NFIX: variants seen among roughly 807,000 people sequenced by gnomAD.
NFIX encodes the protein nuclear factor I X.
A neutral mutation model predicts 53.3 loss-of-function variants in NFIX; 2 were observed. The observed-to-expected ratio is 0.04, with a 90% CI of 0.02 to 0.12. NFIX has a LOEUF of 0.12. Ranked by LOEUF, NFIX falls within the 10% of genes least tolerant of loss-of-function variation. The probability of loss-of-function intolerance (pLI) is 1.00; values close to 1 mark genes in which losing one functional copy is unlikely to be tolerated. For synonymous variants in NFIX, 244 were observed against 289.0 expected, an observed-to-expected ratio of 0.84 and a Z score of 1.58; for missense variants, 310 against 674.5, an observed-to-expected ratio of 0.46 and a Z score of 5.99.
In NFIX at chr19:13,037,802, C is replaced by T. The variant is rs2014312426; in HGVS notation, c.559+12250C>T. 6.6e-6 allele frequency among the ~76,000 whole-genome samples: 1 copy of T among 152,102 alleles called. No homozygotes were observed. Among genetic ancestry groups the T allele is most frequent in the African/African-American group, 2.4e-5 (1 of 41,398 alleles). On this transcript the variant is annotated intron_variant, in intron 2 of 10. Transcript: ENST00000592199. This position sits in a 1 kb window ranked among gnomAD's most constrained non-coding sequence, Gnocchi z 4.2. Reference sequence around the variant, plus strand: ...AATGTCTGTGAACACTTTTGGTTGTCACAGTTGTGGGGGGAGGGTGCTATT... The same window carrying T: ...AATGTCTGTGAACACTTTTGGTTGTTACAGTTGTGGGGGGAGGGTGCTATT...
At position 13,037,687 on chromosome 19, in the gene NFIX, C is replaced by G. The variant is rs76293101; in HGVS notation, c.559+12135C>G. Among the ~76,000 whole-genome samples the G allele has an allele frequency of 3.7e-4, 57 of 152,306 alleles. No homozygotes were observed. In the East Asian group the frequency reaches 0.011, roughly 28 times the overall value. On this transcript the variant is annotated intron_variant, in intron 2 of 10. Coordinates refer to ENST00000592199, the MANE Select transcript of NFIX (RefSeq NM_001365902.3). This position sits in a 1 kb window ranked among gnomAD's most constrained non-coding sequence, Gnocchi z 4.2. ...TTCACAGCCCCTCACCTCGGTAAAC[C>G]CCTCAGTCTCCAGCAAACTGGGATT...
intron 8 of NFIX, chr19:13,082,529 C>G (rs576125150): frequency 6.6e-6 from 1 of 152,294 alleles, no homozygotes; most frequent in Non-Finnish European, 1.5e-5. Context: ...GTTCCCAGGA[C>G]GGTCCTGGTT....
intron 1 of NFIX, among the ~76,000 whole-genome samples, chr19:13,023,070 T>C (rs866061509): frequency 1.8e-4 from 25 of 138,114 alleles, no homozygotes; most frequent in African/African-American, 3.3e-4. Flanking sequence ...TTCTCTCTCT[T>C]TCTCTCTCTC....
chr19:13,054,873 C>T (rs2145334993), intron 2 of NFIX, among the ~76,000 whole-genome samples: 1 of 152,294 alleles, frequency 6.6e-6, no homozygotes, highest in Non-Finnish European at 1.5e-5. Context: ...CACAGTCACA[C>T]ACAGAGACAC....
chr19:12,999,654 C>T (rs999891642), intron 1 of NFIX, among the ~76,000 whole-genome samples: 1 of 152,260 alleles, frequency 6.6e-6, no homozygotes, highest in Non-Finnish European at 1.5e-5. Context: ...GCGACCTACG[C>T]CCATTTTCCT....
At chr19:13,053,273 T>C (rs1484706241) in intron 2 of NFIX, among the ~76,000 whole-genome samples, 1 of 152,164 alleles carries the variant, frequency 6.6e-6, no homozygotes, top group Non-Finnish European at 1.5e-5. Flanking sequence ...GACTTTACTC[T>C]CTATCCCCTA....
In NFIX at chr19:13,064,195, G is replaced by C. The variant is rs1291212578; in HGVS notation, c.560-8852G>C. 2.6e-5 allele frequency among the ~76,000 whole-genome samples: 4 copies of C among 152,152 alleles called. No individual in the cohort carries two copies. The South Asian group carries it at 8.3e-4, about 31-fold the overall frequency. On this transcript the variant is annotated intron_variant, in intron 2 of 10. Coordinates refer to ENST00000592199, the MANE Select transcript of NFIX (RefSeq NM_001365902.3). ...ATAGAAGCTTCAGGGGCTGGGGGCC[G>C]CTTGCCTGGACCCCACCATCACATG...
intron 8 of NFIX, among the ~76,000 whole-genome samples, chr19:13,085,987 CAG>C (rs1315657908): frequency 4.6e-5 from 7 of 152,196 alleles, no homozygotes; most frequent in Non-Finnish European, 7.3e-5. Flanking sequence ...CCTAGAGAAA[CAG>C]GGCAGAGAAA....
Position 13,003,702 on chromosome 19 carries a change from G to A in NFIX, c.27+7838G>A, listed in dbSNP as rs567377419. Among the ~76,000 whole-genome samples the A allele has an allele frequency of 1.2e-3, 176 of 152,086 alleles. 1 individual carries two copies. The highest frequency in any genetic ancestry group is 4.1e-3 in the African/African-American group (172 of 41,484). ...AGCCCAGGCTGGAGCACAGTGGTGC[G>A]ATCTCGGCTCACTGCAGCCCTGACC... On this transcript the variant is annotated intron_variant, in intron 1 of 10. Transcript: ENST00000592199.
chr19:13,072,996 T>C lies in NFIX; in HGVS notation c.560-51T>C. On this transcript the variant is annotated intron_variant, in intron 2 of 10. Coordinates refer to ENST00000592199, the MANE Select transcript of NFIX (RefSeq NM_001365902.3). This position sits in a 1 kb window ranked among gnomAD's most constrained non-coding sequence, Gnocchi z 4.0. ...GGAGGGGCCAATGCTTGGCTGGTGC[T>C]TATGGGGAACTTTGCTCCTGATACA... The C allele has an allele frequency of 6.4e-7, 1 of 1,571,378 alleles. No individual in the cohort carries two copies. The highest frequency in any genetic ancestry group is 8.8e-7 in the Non-Finnish European group (1 of 1,141,302).
In NFIX at chr19:13,016,098, G is replaced by A. The variant is rs1018088876; in HGVS notation, c.28-8923G>A. ...TTCACTTTGTGAAAGTGTATCAAGC[G>A]GCCTAACTTACAGTGTGTGCACTTT... On this transcript the variant is annotated intron_variant, in intron 1 of 10. Coordinates refer to ENST00000592199, the MANE Select transcript of NFIX (RefSeq NM_001365902.3). Among the ~76,000 whole-genome samples the A allele has an allele frequency of 3.3e-5, 5 of 152,036 alleles. No individual in the cohort carries two copies. The South Asian group carries it at 6.2e-4, about 19-fold the overall frequency.
rs568792773 is a variant in NFIX at position 13,078,163 on chromosome 19, A to G, written c.956-450A>G. On this transcript the variant is annotated intron_variant, in intron 6 of 10. Coordinates refer to ENST00000592199, the MANE Select transcript of NFIX (RefSeq NM_001365902.3). This position sits in a 1 kb window ranked among gnomAD's most constrained non-coding sequence, Gnocchi z 4.7. ...TGGCTTCTTCCCACCAGAACCTCCC[A>G]TGGCCCCGGGCACCATGGCATAGAC... Among the ~76,000 whole-genome samples, 1 of 151,982 alleles carries G rather than the reference A, an allele frequency of 6.6e-6. No individual in the cohort carries two copies. Among genetic ancestry groups the G allele is most frequent in the African/African-American group, 2.4e-5 (1 of 41,446 alleles).
Position 13,040,813 on chromosome 19 carries a change from C to T in NFIX, c.559+15261C>T, listed in dbSNP as rs2014567940. Among the ~76,000 whole-genome samples the T allele has an allele frequency of 6.6e-6, 1 of 152,224 alleles. No individual in the cohort carries two copies. Among genetic ancestry groups the T allele is most frequent in the Admixed American group, 6.5e-5 (1 of 15,290 alleles). The stretch of plus-strand genomic sequence containing the variant: ...CTCGAAGCAGATCTTAAAGTTGATT[C>T]TGCTGCCGCTGCTGTACCTTTGCTT... On this transcript the variant is annotated intron_variant, in intron 2 of 10. Transcript: ENST00000592199. This position sits in a 1 kb window ranked among gnomAD's most constrained non-coding sequence, Gnocchi z 4.2.
rs114346535 is a variant in NFIX, at chr19:13,035,525, T to C, written c.559+9973T>C. 3.4e-3 allele frequency among the ~76,000 whole-genome samples: 522 copies of C among 152,332 alleles called. 6 individuals carry two copies. Among genetic ancestry groups the C allele is most frequent in the African/African-American group, 0.012 (506 of 41,572 alleles). ...TCAGACCCCAAAGAACAGCAGACGTTTGTTTCTGCAGCATGAGACACGGAG... is the reference window on the plus strand; with the variant it reads ...TCAGACCCCAAAGAACAGCAGACGTCTGTTTCTGCAGCATGAGACACGGAG... On this transcript the variant is annotated intron_variant, in intron 2 of 10. Coordinates refer to ENST00000592199, the MANE Select transcript of NFIX (RefSeq NM_001365902.3).
chr19:13,090,158 C>G lies in NFIX; in HGVS notation c.1403-141C>G. On this transcript the variant is annotated intron_variant, in intron 9 of 10. Transcript: ENST00000592199. The surrounding 1 kb of genome is among the most constrained non-coding windows in gnomAD (Gnocchi z 6.6). ...GCCTTCAGCTCAGATGCCCCTCTGG[C>G]CCATCCTTCCCACTGCCAGCCTAAA... 1 of 767,878 alleles carries G rather than the reference C, an allele frequency of 1.3e-6. No homozygotes were observed. 47.6% of individuals were successfully genotyped at this position (767,878 alleles called of 1,614,324 possible).
chr19:13,083,214 G>T (rs2145482179), intron 8 of NFIX, among the ~76,000 whole-genome samples: 1 of 152,300 alleles, frequency 6.6e-6, no homozygotes, highest in Non-Finnish European at 1.5e-5. Flanking sequence ...CAGCTGCTGT[G>T]CTTGCATCAG....
At chr19:13,035,236 G>A (rs1275202298) in intron 2 of NFIX, among the ~76,000 whole-genome samples, 3 of 152,198 alleles carry the variant, frequency 2.0e-5, no homozygotes, top group Non-Finnish European at 2.9e-5. Context: ...TCTGAGCATC[G>A]TCTACTCCTG....
chr19:13,025,673 T>A lies in NFIX; in HGVS notation c.559+121T>A, dbSNP rs2013281987. The A allele has an allele frequency of 1.7e-6, 2 of 1,152,612 alleles. No individual in the cohort carries two copies. Among genetic ancestry groups the A allele is most frequent in the Non-Finnish European group, 1.2e-6 (1 of 825,252 alleles). 71.4% of individuals were successfully genotyped at this position (1,152,612 alleles called of 1,614,324 possible). On this transcript the variant is annotated intron_variant, in intron 2 of 10. Coordinates refer to ENST00000592199, the MANE Select transcript of NFIX (RefSeq NM_001365902.3). This position sits in a 1 kb window ranked among gnomAD's most constrained non-coding sequence, Gnocchi z 7.5. ...CATGGGCCTAACTGGTGTATGCCCGTCCTGCGGGGCCTGCAACACGGTTCT... is the reference window on the plus strand; with the variant it reads ...CATGGGCCTAACTGGTGTATGCCCGACCTGCGGGGCCTGCAACACGGTTCT...
rs2016809014 is a variant in NFIX at position 13,072,077 on chromosome 19, G to A, written c.560-970G>A. Among the ~76,000 whole-genome samples the A allele has an allele frequency of 6.6e-6, 1 of 152,234 alleles. No individual in the cohort carries two copies. Among genetic ancestry groups the A allele is most frequent in the Non-Finnish European group, 1.5e-5 (1 of 68,034 alleles). On this transcript the variant is annotated intron_variant, in intron 2 of 10. Transcript: ENST00000592199. This position sits in a 1 kb window ranked among gnomAD's most constrained non-coding sequence, Gnocchi z 4.0. Reference sequence around the variant, plus strand: ...CCCCCATGTGGTCCCCCTGTGAGCAGCTGATTCTTCACCAAATGCCTGGCT... The same window carrying A: ...CCCCCATGTGGTCCCCCTGTGAGCAACTGATTCTTCACCAAATGCCTGGCT...
Sources: allele counts gnomAD v4.1 joint callset (sites outside exome capture counted in the v4.1 genomes callset), GRCh38; gene constraint gnomAD v4.1.1; non-coding constraint Gnocchi (gnomAD v3.1); transcripts MANE v1.5; gene names NCBI Gene and HGNC (gene_info 2026-07-23, HGNC 2026-07-21).